The following GLI3 variants were observed in gnomAD, a reference collection of about 807,000 sequenced individuals.
GLI3 encodes GLI family zinc finger 3.
GLI3 carries 20 observed loss-of-function variants against 100.8 expected under a neutral mutation model. That is an observed-to-expected ratio of 0.20 (90% CI 0.14 to 0.29). The LOEUF is 0.29. Ranked by LOEUF, GLI3 falls within the 10% of genes least tolerant of loss-of-function variation. The pLI is 1.00. For missense variants in GLI3, 2,040 were observed against 2,128.5 expected, an observed-to-expected ratio of 0.96 and a Z score of 0.82; for synonymous variants, 938 against 860.5, an observed-to-expected ratio of 1.09 and a Z score of -1.58.
At chr7:42,035,016 T>C (rs994608134) in intron 7 of GLI3, among the ~76,000 whole-genome samples, 2 of 152,284 alleles carry the variant, frequency 1.3e-5, no homozygotes, top group South Asian at 2.1e-4. Context: ...TGAAATACTA[T>C]ATAAAACTAA....
Position 42,129,271 on chromosome 7 carries a change from G to A in GLI3, c.367+18955C>T, listed in dbSNP as rs533345954. On this transcript the variant is annotated intron_variant, in intron 3 of 14. Coordinates refer to ENST00000395925, the MANE Select transcript of GLI3 (RefSeq NM_000168.6). ...GGGGCTCAGAAAGGCTAAGTAATTT[G>A]CCCATAATCACATTGTTAGGAGTGG... Among the ~76,000 whole-genome samples the A allele has an allele frequency of 3.3e-5, 5 of 152,286 alleles. 1 individual carries two copies. The highest frequency in any genetic ancestry group is 1.2e-4 in the African/African-American group (5 of 41,558).
intron 2 of GLI3, among the ~76,000 whole-genome samples, chr7:42,162,300 C>A (rs1465871441): frequency 6.6e-6 from 1 of 152,180 alleles, no homozygotes; most frequent in Non-Finnish European, 1.5e-5. Context: ...CTCAACCCAA[C>A]CCCTCAGGGA....
rs1787658529 is a variant in GLI3 at position 41,981,215 on chromosome 7, A to T, written c.1498-2467T>A. On this transcript the variant is annotated intron_variant, in intron 10 of 14. Coordinates refer to ENST00000395925, the MANE Select transcript of GLI3 (RefSeq NM_000168.6). Reference sequence around the variant, plus strand: ...GCAGGAGAGAACTGGCCAGGGAGAGACTGCCACCACTTGGCATGGCGAGAA... The same window carrying T: ...GCAGGAGAGAACTGGCCAGGGAGAGTCTGCCACCACTTGGCATGGCGAGAA... Among the ~76,000 whole-genome samples the T allele has an allele frequency of 2.0e-5, 3 of 152,312 alleles. No individual in the cohort carries two copies. The South Asian group carries it at 6.2e-4, about 32-fold the overall frequency.
At position 42,163,834 on chromosome 7, in the gene GLI3, TA is replaced by T. The variant is rs1238798116; in HGVS notation, c.125-15367del. Among the ~76,000 whole-genome samples the T allele has an allele frequency of 4.6e-5, 7 of 152,210 alleles. No individual in the cohort carries two copies. In the East Asian group the frequency reaches 1.3e-3, roughly 29 times the overall value. Reference sequence around the variant, plus strand: ...CTTTGTCTGGCTTGCACTTGACCCCTAAAGTTTTCCACAATGTTTCTAAGGA... The same window carrying T: ...CTTTGTCTGGCTTGCACTTGACCCCTAAGTTTTCCACAATGTTTCTAAGGA... On this transcript the variant is annotated intron_variant, in intron 2 of 14. Transcript: ENST00000395925.
In GLI3 at chr7:41,966,044, C is replaced by T. The variant is rs1787165767; in HGVS notation, c.3029G>A (p.Arg1010Gln). 2 of 1,585,798 alleles carry T rather than the reference C, an allele frequency of 1.3e-6. No individual in the cohort carries two copies. The highest frequency in any genetic ancestry group is 1.7e-6 in the Non-Finnish European group (2 of 1,172,310). Residue 1010 changes from arginine (R) to glutamine (Q), a missense_variant, in exon 15 of 15, where the codon CGG (arginine) becomes CAG (glutamine). Physicochemically the swap from Arg to Gln is conservative, Grantham distance 43. Transcript: ENST00000395925. This position sits in a 1 kb window ranked among gnomAD's most constrained non-coding sequence, Gnocchi z 5.8. Reference protein sequence around the residue: ...HGVRRASDPVRTGSEGLALPR... With the variant: ...HGVRRASDPVQTGSEGLALPR... ...CAGGGCCAGGCCCTCGGAGCCTGTC[C>T]GCACCGGGTCGCTGGCCCTCCTCAC... is the stretch of plus-strand genomic sequence containing the variant.
chr7:42,070,939 C>T (rs1168724142), intron 4 of GLI3, among the ~76,000 whole-genome samples: 1 of 152,174 alleles, frequency 6.6e-6, no homozygotes. Context: ...GCAATAGCTA[C>T]TATTAATAGA....
intron 3 of GLI3, among the ~76,000 whole-genome samples, chr7:42,127,357 G>A (rs2128774763): frequency 6.6e-6 from 1 of 152,320 alleles, no homozygotes; most frequent in East Asian, 1.9e-4. Flanking sequence ...GAAACACACT[G>A]ACATGTACTT....
chr7:42,185,708 G>A (rs1462331740), intron 2 of GLI3, among the ~76,000 whole-genome samples: 1 of 152,214 alleles, frequency 6.6e-6, no homozygotes, highest in Non-Finnish European at 1.5e-5. Flanking sequence ...TGAACAACCA[G>A]TGAGTCTCTC....
intron 3 of GLI3, among the ~76,000 whole-genome samples, chr7:42,101,731 A>T (rs1281500184): frequency 1.3e-5 from 2 of 150,680 alleles, no homozygotes; most frequent in Non-Finnish European, 2.9e-5. Context: ...ACATGTGCAC[A>T]TTGTGCAGGT....
chr7:41,980,119 G>A (rs1041368819), intron 10 of GLI3, among the ~76,000 whole-genome samples: 4 of 152,248 alleles, frequency 2.6e-5, no homozygotes, highest in Non-Finnish European at 5.9e-5. Context: ...CTGATGAAGA[G>A]CAGAGAGAGA....
chr7:42,188,886 A>T (rs908992656), intron 2 of GLI3, among the ~76,000 whole-genome samples: 3 of 152,184 alleles, frequency 2.0e-5, no homozygotes, highest in Non-Finnish European at 4.4e-5. Context: ...AGGCAATAAA[A>T]CTACTCTGTA....
At chr7:42,018,969 G>A (rs1189627831) in intron 10 of GLI3, among the ~76,000 whole-genome samples, 1 of 152,168 alleles carries the variant, frequency 6.6e-6, no homozygotes, top group Non-Finnish European at 1.5e-5. Context: ...GCAGGGTTAT[G>A]CTGCTGGGGA....
intron 2 of GLI3, among the ~76,000 whole-genome samples, chr7:42,222,344 A>G (rs1788502387): frequency 6.6e-6 from 1 of 152,218 alleles, no homozygotes; most frequent in African/African-American, 2.4e-5. Flanking sequence ...GGAAAAGCAG[A>G]GAAATTCAGG....
intron 2 of GLI3, among the ~76,000 whole-genome samples, chr7:42,197,385 T>C (rs1452414658): frequency 6.6e-6 from 1 of 152,218 alleles, no homozygotes; most frequent in African/African-American, 2.4e-5. Flanking sequence ...GTTCTGACAC[T>C]ATGGTCCCTT....
chr7:42,116,040 A>G (rs1028742605), intron 3 of GLI3, among the ~76,000 whole-genome samples: 4 of 152,132 alleles, frequency 2.6e-5, no homozygotes, highest in African/African-American at 9.7e-5. Flanking sequence ...GGGCAACACC[A>G]AGACCAGACA....
intron 2 of GLI3, among the ~76,000 whole-genome samples, chr7:42,164,010 AT>A (rs936493420): frequency 6.6e-5 from 10 of 151,712 alleles, no homozygotes; most frequent in East Asian, 1.9e-4. Context: ...AGCCTATGCA[AT>A]TTTTTTTTCC....
At chr7:42,023,195 C>T (rs960670855) in intron 10 of GLI3, among the ~76,000 whole-genome samples, 3 of 152,186 alleles carry the variant, frequency 2.0e-5, no homozygotes, top group Non-Finnish European at 4.4e-5. Flanking sequence ...CCATCAAAGT[C>T]GCTAACTCAA....
chr7:41,994,831 T>C (rs2128719520), intron 10 of GLI3, among the ~76,000 whole-genome samples: 1 of 152,362 alleles, frequency 6.6e-6, no homozygotes, highest in South Asian at 2.1e-4. Flanking sequence ...TGCATAATCA[T>C]TCAAGTCTTT....
In GLI3 at chr7:41,971,341, G is replaced by C. The variant is rs536950303; in HGVS notation, c.2103+996C>G. Among the ~76,000 whole-genome samples, 11 of 152,298 alleles carry C rather than the reference G, an allele frequency of 7.2e-5. No individual in the cohort carries two copies. In the South Asian group the frequency reaches 2.3e-3, roughly 32 times the overall value. ...TTCTCTCTGGTACACTTCCTTCACA[G>C]GTTAGAGAGTGACAGCCCAGAACCC... On this transcript the variant is annotated intron_variant, in intron 13 of 14. Coordinates refer to ENST00000395925, the MANE Select transcript of GLI3 (RefSeq NM_000168.6).
Sources: gnomAD v4.1 joint callset for allele counts (sites outside exome capture counted in the v4.1 genomes callset) on GRCh38, gnomAD v4.1.1 for gene constraint, Gnocchi (gnomAD v3.1) non-coding constraint, MANE v1.5 for transcripts, NCBI Gene and HGNC (gene_info 2026-07-23, HGNC 2026-07-21) for gene names.